The following USH2A variants were observed in gnomAD, a reference collection of about 807,000 sequenced individuals.
USH2A encodes the protein usherin.
Under a neutral mutation model 538.9 loss-of-function variants are expected in USH2A, and 443 were observed. That is an observed-to-expected ratio of 0.82 (90% CI 0.76 to 0.89). The LOEUF is 0.89. USH2A is among the 40% of genes least tolerant of loss of function. The pLI is 0.00. For missense variants in USH2A, 6,633 were observed against 6,324.8 expected, an observed-to-expected ratio of 1.05 and a Z score of -1.65; for synonymous variants, 2,413 against 2,273.5, an observed-to-expected ratio of 1.06 and a Z score of -1.75.
At chr1:215,966,223 A>G (rs1257983760) in intron 36 of USH2A, among the ~76,000 whole-genome samples, 1 of 152,178 alleles carries the variant, frequency 6.6e-6, no homozygotes, top group Admixed American at 6.6e-5. Flanking sequence ...GGTCAGGAAG[A>G]TTTCAATAGA....
chr1:215,863,867 G>A (rs1664395666), intron 44 of USH2A, among the ~76,000 whole-genome samples: 1 of 152,122 alleles, frequency 6.6e-6, no homozygotes, highest in Non-Finnish European at 1.5e-5. Context: ...AGAGGAAGGA[G>A]AGAGCAAGAC....
intron 66 of USH2A, 125 bp downstream of exon 66, chr1:215,648,403 C>T (rs1340684255): frequency 2.0e-6 from 2 of 992,108 alleles, no homozygotes; most frequent in East Asian, 2.4e-5. Context: ...TAAGCAAGTC[C>T]TCCCTGGGGA....
rs951327604 is a variant in USH2A, at chr1:216,365,223, A to G, written c.652-138T>C. Reference sequence around the variant, plus strand: ...TGGGAAGACTGAAAACATTATTTTAATAGCTCAGTGATATCTCCATGTGTT... The same window carrying G: ...TGGGAAGACTGAAAACATTATTTTAGTAGCTCAGTGATATCTCCATGTGTT... On this transcript the variant is annotated intron_variant, in intron 3 of 71. Coordinates refer to ENST00000307340, the MANE Select transcript of USH2A (RefSeq NM_206933.4). 6.0e-6 allele frequency: 6 copies of G among 999,942 alleles called. No individual in the cohort carries two copies. The Admixed American group carries it at 1.4e-4, about 24-fold the overall frequency. The allele number at this position is 999,942 out of a possible 1,614,324, so 61.9% of individuals were successfully genotyped here.
intron 32 of USH2A, among the ~76,000 whole-genome samples, chr1:216,044,151 G>T (rs1173706717): frequency 6.6e-6 from 1 of 152,040 alleles, no homozygotes; most frequent in Non-Finnish European, 1.5e-5. Context: ...CAAACAAACA[G>T]TCCTATTCAA....
chr1:215,921,402 C>G (rs1666096819), intron 38 of USH2A, among the ~76,000 whole-genome samples: 1 of 151,754 alleles, frequency 6.6e-6, no homozygotes, highest in Non-Finnish European at 1.5e-5. Flanking sequence ...TTTTTTTTCT[C>G]TTATGACATT....
chr1:215,628,363 A>G (rs1296899360), intron 71 of USH2A, among the ~76,000 whole-genome samples: 1 of 151,824 alleles, frequency 6.6e-6, no homozygotes, highest in Non-Finnish European at 1.5e-5. Context: ...GCTCACTGCA[A>G]CCTCCACCTC....
intron 3 of USH2A, among the ~76,000 whole-genome samples, chr1:216,366,795 C>T (rs2038608644): frequency 6.6e-6 from 1 of 151,960 alleles, no homozygotes; most frequent in South Asian, 2.1e-4. Context: ...TTTAATATAC[C>T]TCAAATCATA....
intron 4 of USH2A, among the ~76,000 whole-genome samples, chr1:216,337,525 A>T (rs906185993): frequency 6.6e-6 from 1 of 151,446 alleles, no homozygotes; most frequent in South Asian, 2.1e-4. Context: ...CTAAACAATT[A>T]GGAATAGGTG....
At chr1:216,177,532 C>T (rs564800621) in intron 20 of USH2A, among the ~76,000 whole-genome samples, 66 of 152,244 alleles carry the variant, frequency 4.3e-4, no homozygotes, top group African/African-American at 1.5e-3. Flanking sequence ...TAACTTTGGT[C>T]AGCCTCTTGG....
chr1:215,979,387 G>A (rs1444925519), intron 35 of USH2A, among the ~76,000 whole-genome samples: 1 of 152,136 alleles, frequency 6.6e-6, no homozygotes, highest in East Asian at 1.9e-4. Context: ...GGCCTTGAAT[G>A]ACACTACAAG....
chr1:216,323,276 T>TTATA lies in USH2A; in HGVS notation c.1550+194_1550+197dup, dbSNP rs67957139. Among the ~76,000 whole-genome samples, 1,182 of 137,072 alleles carry TTATA rather than the reference T, an allele frequency of 8.6e-3. 12 individuals are homozygous for TTATA. The highest frequency in any genetic ancestry group is 0.015 in the Middle Eastern group (4 of 268). The allele number at this position is 137,072 out of a possible 152,430, so 89.9% of individuals were successfully genotyped here. A position where few individuals can be genotyped will look rare whatever the true frequency, so the allele number is the denominator to read the frequency against. On this transcript the variant is annotated intron_variant, in intron 8 of 71. Transcript: ENST00000307340. ...TATATATTTATTTATAAAATACGTT[T>TTATA]TATATATATATATATATATATATAT...
intron 34 of USH2A, among the ~76,000 whole-genome samples, chr1:215,993,627 T>G (rs115305731): frequency 6.6e-6 from 1 of 152,182 alleles, no homozygotes; most frequent in African/African-American, 2.4e-5. Flanking sequence ...AGAAAAGATG[T>G]GCAGCAAATA....
At chr1:216,379,031 C>T (rs1414336577) in intron 3 of USH2A, among the ~76,000 whole-genome samples, 6 of 152,222 alleles carry the variant, frequency 3.9e-5, no homozygotes, top group South Asian at 2.1e-4. Flanking sequence ...CATCCTAGTC[C>T]CATTCACCTG....
chr1:216,152,446 C>A (rs1572004077), intron 21 of USH2A, among the ~76,000 whole-genome samples: 2 of 149,102 alleles, frequency 1.3e-5, no homozygotes, highest in Middle Eastern at 6.9e-3. Flanking sequence ...CCCCACTGAG[C>A]ACCTTGCGAC....
chr1:215,952,383 A>G (rs868464116), intron 37 of USH2A, among the ~76,000 whole-genome samples: 1 of 152,154 alleles, frequency 6.6e-6, no homozygotes, highest in African/African-American at 2.4e-5. Context: ...ATTTACATTT[A>G]AGCTTAATAT....
chr1:216,073,620 G>A (rs17026027), intron 27 of USH2A, among the ~76,000 whole-genome samples: 2,757 of 152,170 alleles, frequency 0.018, 92 homozygotes, highest in African/African-American at 0.064. Flanking sequence ...ATAAAATTTA[G>A]GCAACTTCAT....
At chr1:216,036,834 G>T (rs2030002314) in intron 32 of USH2A, among the ~76,000 whole-genome samples, 1 of 151,840 alleles carries the variant, frequency 6.6e-6, no homozygotes, top group Non-Finnish European at 1.5e-5. Flanking sequence ...TGTAGGTACA[G>T]GAACACAAAA....
At chr1:216,202,930 A>G (rs528975564) in intron 16 of USH2A, among the ~76,000 whole-genome samples, 2 of 152,136 alleles carry the variant, frequency 1.3e-5, no homozygotes, top group East Asian at 3.9e-4. Flanking sequence ...CTCTGCTTCA[A>G]CATTTATATA....
At chr1:215,790,809 G>A (rs1661960421) in intron 50 of USH2A, among the ~76,000 whole-genome samples, 1 of 152,286 alleles carries the variant, frequency 6.6e-6, no homozygotes, top group African/African-American at 2.4e-5. Flanking sequence ...TTTGTTTCTT[G>A]TGAATTTAGC....
Sources: allele counts gnomAD v4.1 joint callset (sites outside exome capture counted in the v4.1 genomes callset), GRCh38; gene constraint gnomAD v4.1.1; transcripts MANE v1.5; gene names NCBI Gene and HGNC (gene_info 2026-07-23, HGNC 2026-07-21).